The following MECOM variants were observed in gnomAD, a reference collection of about 807,000 sequenced individuals.
The protein encoded by MECOM is histone-lysine N-methyltransferase MECOM.
In MECOM, 13 loss-of-function variants were observed where a neutral mutation model predicts 116.3. The observed-to-expected ratio is 0.11, with a 90% CI of 0.07 to 0.18. MECOM has a LOEUF of 0.18. MECOM is among the 10% of genes least tolerant of loss of function. The pLI is 1.00. For missense variants in MECOM, 1,299 were observed against 1,509.0 expected (o/e 0.86, Z 2.31); for synonymous variants, 528 against 535.2 (o/e 0.99, Z 0.19).
intron 1 of MECOM, among the ~76,000 whole-genome samples, chr3:169,452,052 A>C (rs950795806): frequency 1.3e-5 from 2 of 152,000 alleles, no homozygotes; most frequent in African/African-American, 4.8e-5. Flanking sequence ...TGATCCCTCA[A>C]GGTAGTCCTT....
At chr3:169,580,284 T>C (rs1223261119) in intron 1 of MECOM, among the ~76,000 whole-genome samples, 1 of 152,132 alleles carries the variant, frequency 6.6e-6, no homozygotes, top group Non-Finnish European at 1.5e-5. Flanking sequence ...ATGAATACGT[T>C]CTTTAGTGAT....
At chr3:169,340,892 G>T (rs1724385237) in intron 2 of MECOM, among the ~76,000 whole-genome samples, 1 of 152,148 alleles carries the variant, frequency 6.6e-6, no homozygotes, top group South Asian at 2.1e-4. Flanking sequence ...TATTTTTGCA[G>T]AGGGAAATAG....
chr3:169,127,547 A>C (rs901604800), intron 5 of MECOM, among the ~76,000 whole-genome samples: 1 of 152,132 alleles, frequency 6.6e-6, no homozygotes, highest in Admixed American at 6.6e-5. Context: ...TTGTTCCAGC[A>C]CTATATTTTC....
chr3:169,116,929 C>A (rs1729338978), intron 7 of MECOM, among the ~76,000 whole-genome samples, 190 bp from the exon 8 acceptor site: 1 of 152,024 alleles, frequency 6.6e-6, no homozygotes, highest in Admixed American at 6.6e-5. Context: ...ACCAACCTGA[C>A]AAATGTCTTG....
chr3:169,531,952 C>A (rs1758683797), intron 1 of MECOM, among the ~76,000 whole-genome samples: 1 of 152,156 alleles, frequency 6.6e-6, no homozygotes, highest in Admixed American at 6.5e-5. Context: ...CTGACTTAGC[C>A]ACTCCGCTGG....
intron 1 of MECOM, among the ~76,000 whole-genome samples, chr3:169,388,801 T>A (rs1733784339): frequency 6.6e-6 from 1 of 152,198 alleles, no homozygotes; most frequent in Non-Finnish European, 1.5e-5. Context: ...GCACTAGAAT[T>A]TTTTTAATGA....
At chr3:169,185,069 T>C (rs1746526188) in intron 2 of MECOM, among the ~76,000 whole-genome samples, 2 of 152,170 alleles carry the variant, frequency 1.3e-5, no homozygotes, top group Non-Finnish European at 2.9e-5. Flanking sequence ...TTTCACTTTA[T>C]TTGACGTGGG....
At chr3:169,086,288 A>G (rs1717704503) in intron 16 of MECOM, among the ~76,000 whole-genome samples, 1 of 152,204 alleles carries the variant, frequency 6.6e-6, no homozygotes, top group African/African-American at 2.4e-5. Flanking sequence ...GAAATTAAGA[A>G]TAAATAATAT....
intron 2 of MECOM, among the ~76,000 whole-genome samples, chr3:169,207,477 G>C (rs1255353543): frequency 1.3e-5 from 2 of 152,136 alleles, no homozygotes; most frequent in Non-Finnish European, 2.9e-5. Context: ...TATAAGAAAA[G>C]ATCATCTAAA....
chr3:169,368,085 G>A (rs1416499105), intron 2 of MECOM, among the ~76,000 whole-genome samples: 4 of 151,962 alleles, frequency 2.6e-5, no homozygotes, highest in Non-Finnish European at 2.9e-5. Flanking sequence ...ATTTGCACAC[G>A]TCTCTTTATA....
intron 2 of MECOM, among the ~76,000 whole-genome samples, chr3:169,204,537 G>C (rs1580512): frequency 0.89 from 136,069 of 152,216 alleles, 60,977 homozygotes; most frequent in East Asian, 1. Flanking sequence ...ATTTACAAGG[G>C]AACTGTGTCT....
intron 2 of MECOM, among the ~76,000 whole-genome samples, chr3:169,374,259 C>T (rs901821626): frequency 7.2e-5 from 11 of 151,940 alleles, no homozygotes; most frequent in African/African-American, 2.4e-4. Context: ...GAGCGCTCAC[C>T]AGAAACCAAA....
intron 1 of MECOM, among the ~76,000 whole-genome samples, chr3:169,656,725 G>A (rs1043735865): frequency 1.3e-5 from 2 of 151,986 alleles, no homozygotes; most frequent in East Asian, 3.9e-4. Flanking sequence ...GGGCTTTACC[G>A]TGTGCCCTTT....
chr3:169,103,415 T>A (rs956407206), intron 10 of MECOM, among the ~76,000 whole-genome samples: 43 of 152,280 alleles, frequency 2.8e-4, no homozygotes, highest in Non-Finnish European at 5.0e-4. Context: ...TTTCAGGCCA[T>A]CCTGTTAAAT....
chr3:169,479,006 G>A (rs560663286), intron 1 of MECOM, among the ~76,000 whole-genome samples: 1 of 152,238 alleles, frequency 6.6e-6, no homozygotes, highest in Non-Finnish European at 1.5e-5. Flanking sequence ...CACCTATTAT[G>A]TACCAGGCAT....
chr3:169,285,734 C>T (rs986624445), intron 2 of MECOM, among the ~76,000 whole-genome samples: 2 of 152,154 alleles, frequency 1.3e-5, no homozygotes, highest in African/African-American at 4.8e-5. Context: ...CAATCCGTAA[C>T]AAAGTCTTAG....
At chr3:169,566,507 A>G (rs995735090) in intron 1 of MECOM, among the ~76,000 whole-genome samples, 1 of 152,220 alleles carries the variant, frequency 6.6e-6, no homozygotes, top group Non-Finnish European at 1.5e-5. Context: ...GCTGATTGCC[A>G]GGTACCATGC....
chr3:169,575,028 A>T (rs973327423), intron 1 of MECOM, among the ~76,000 whole-genome samples: 3 of 152,174 alleles, frequency 2.0e-5, no homozygotes, highest in Non-Finnish European at 4.4e-5. Flanking sequence ...TCGCTAAAAA[A>T]TCAAGGTCAA....
intron 1 of MECOM, among the ~76,000 whole-genome samples, chr3:169,592,327 G>A (rs1432018574): frequency 2.6e-5 from 4 of 152,188 alleles, no homozygotes; most frequent in African/African-American, 7.2e-5. Context: ...CAGTCCAGAA[G>A]GCCTCTTCCT....
Sources: allele counts gnomAD v4.1 joint callset (sites outside exome capture counted in the v4.1 genomes callset), GRCh38; gene constraint gnomAD v4.1.1; transcripts MANE v1.5; gene names NCBI Gene and HGNC (gene_info 2026-07-23, HGNC 2026-07-21).